The following GUCY1A2 variants were observed in gnomAD, a reference collection of about 807,000 sequenced individuals.
GUCY1A2 encodes guanylate cyclase soluble subunit alpha-2.
GUCY1A2 carries 27 observed loss-of-function variants against 63.5 expected under a neutral mutation model. The observed-to-expected ratio is 0.43, with a 90% CI of 0.31 to 0.59. The LOEUF is 0.59. Ranked by LOEUF, GUCY1A2 falls within the 20% of genes least tolerant of loss-of-function variation. The probability of loss-of-function intolerance (pLI) is 0.11; values close to 1 mark genes in which losing one functional copy is unlikely to be tolerated. For missense variants in GUCY1A2, 768 were observed against 913.3 expected, an observed-to-expected ratio of 0.84 and a Z score of 2.05; for synonymous variants, 364 against 343.5, an observed-to-expected ratio of 1.06 and a Z score of -0.66.
intron 1 of GUCY1A2, among the ~76,000 whole-genome samples, chr11:107,008,352 T>C (rs1184670658): frequency 6.6e-6 from 1 of 151,866 alleles, no homozygotes; most frequent in African/African-American, 2.4e-5. Context: ...CTACAGATTA[T>C]TATGAAGTCC....
intron 4 of GUCY1A2, among the ~76,000 whole-genome samples, chr11:106,863,660 T>C (rs201978112): frequency 0.23 from 34,720 of 151,972 alleles, 4,099 homozygotes; most frequent in Non-Finnish European, 0.26. Flanking sequence ...TAGTTTTTTC[T>C]AATTCTGTGA....
intron 4 of GUCY1A2, among the ~76,000 whole-genome samples, chr11:106,886,905 G>A (rs1227599811): frequency 6.6e-6 from 1 of 151,996 alleles, no homozygotes; most frequent in East Asian, 1.9e-4. Flanking sequence ...GTTGCTAAGG[G>A]CGCACTTTTA....
intron 4 of GUCY1A2, among the ~76,000 whole-genome samples, chr11:106,934,324 G>A (rs1591333376): frequency 6.6e-6 from 1 of 152,122 alleles, no homozygotes; most frequent in East Asian, 1.9e-4. Context: ...GGTAACTACA[G>A]TTCAATATTT....
chr11:106,686,364 T>C lies in GUCY1A2; in HGVS notation c.*1185A>G, dbSNP rs796564687. On this transcript the variant is annotated 3_prime_UTR_variant, in exon 8 of 8. Transcript: ENST00000526355. ...AGTGATTCACTGAATTTAAAAGCCA[T>C]ATCAATCAAACTGCAGAACATTTTT... 4 of 220,378 alleles carry C rather than the reference T, an allele frequency of 1.8e-5. No homozygotes were observed. Among genetic ancestry groups the C allele is most frequent in the African/African-American group, 8.9e-5 (4 of 44,774 alleles). The allele number at this position is 220,378 out of a possible 1,614,324, so 13.7% of individuals were successfully genotyped here.
chr11:107,008,275 T>C (rs1861699168), intron 1 of GUCY1A2, among the ~76,000 whole-genome samples: 3 of 94,840 alleles, frequency 3.2e-5, no homozygotes, highest in South Asian at 4.0e-4. Context: ...CAAGACTCCA[T>C]CTCAAAAAAA....
At chr11:106,701,633 G>GA (rs11402330) in intron 7 of GUCY1A2, among the ~76,000 whole-genome samples, 48,399 of 144,842 alleles carry the variant, frequency 0.33, 8,984 homozygotes, top group African/African-American at 0.52. Flanking sequence ...GGAAGGGTAA[G>GA]GGGGAGGAGA....
chr11:106,724,940 C>T (rs1863378899), intron 6 of GUCY1A2, among the ~76,000 whole-genome samples: 1 of 152,094 alleles, frequency 6.6e-6, no homozygotes, highest in Non-Finnish European at 1.5e-5. Flanking sequence ...TCCAAGTATA[C>T]AGACACCTTA....
chr11:106,765,737 C>G (rs914673894), intron 6 of GUCY1A2, among the ~76,000 whole-genome samples: 2 of 152,074 alleles, frequency 1.3e-5, no homozygotes, highest in Admixed American at 1.3e-4. Context: ...TACTCTGTTT[C>G]TTCAACTTCA....
intron 4 of GUCY1A2, chr11:106,827,839 C>T (rs950326845): frequency 1.8e-5 from 29 of 1,600,166 alleles, no homozygotes; most frequent in African/African-American, 2.7e-5. Flanking sequence ...GCGATGCCGC[C>T]GCCGACCACC....
intron 3 of GUCY1A2, among the ~76,000 whole-genome samples, chr11:106,954,507 G>A (rs576083560): frequency 2.0e-5 from 3 of 152,276 alleles, no homozygotes; most frequent in East Asian, 1.9e-4. Flanking sequence ...AGAGAGTTCC[G>A]TAAATGTCTA....
chr11:106,827,033 A>G, intron 4 of GUCY1A2: 1 of 1,592,076 alleles, frequency 6.3e-7, no homozygotes, highest in South Asian at 1.1e-5. Context: ...GTTGTAACTG[A>G]CGTATGGTCT....
At chr11:106,814,410 AAGC>A (rs1858804139) in intron 4 of GUCY1A2, among the ~76,000 whole-genome samples, 1 of 152,228 alleles carries the variant, frequency 6.6e-6, no homozygotes, top group Non-Finnish European at 1.5e-5. Flanking sequence ...CTAGCTAAAA[AAGC>A]AGGAGACAGT....
intron 6 of GUCY1A2, among the ~76,000 whole-genome samples, chr11:106,723,755 G>A (rs1167771307): frequency 2.6e-5 from 4 of 152,114 alleles, no homozygotes; most frequent in Admixed American, 6.5e-5. Context: ...TCCAGGAGGC[G>A]GAGGAAGCAG....
At chr11:106,740,648 CTGTATGTATGTATGTATGTATGTA>C (rs6144494) in intron 6 of GUCY1A2, among the ~76,000 whole-genome samples, 34,209 of 148,796 alleles carry the variant, frequency 0.23, 4,936 homozygotes, top group East Asian at 0.37. Context: ...GACCATATCA[CTGTATGTATGTATGTATGTATGTA>C]TGTATGTATG....
At chr11:106,791,887 A>G (rs1864668154) in intron 5 of GUCY1A2, among the ~76,000 whole-genome samples, 1 of 152,146 alleles carries the variant, frequency 6.6e-6, no homozygotes, top group Admixed American at 6.6e-5. Context: ...AAGAGCTGGT[A>G]CCATTCCTAC....
At position 106,810,238 on chromosome 11, in the gene GUCY1A2, G is replaced by A. The variant is rs1448311168; in HGVS notation, c.1447C>T (p.Leu483=). ...ACTGTCTTCTTTTTCTCTTCTTCCA[G>A]GGCCTGGTGAGTTCTTTCTAAAGTT... ...KATLERTHQA[L]EEEKKKTVDL... is the part of the protein sequence containing the mutation. The change falls in exon 5 of 8, where the codon CTG becomes TTG. Residue 483 remains leucine, a synonymous_variant. Coordinates refer to ENST00000526355, the MANE Select transcript of GUCY1A2 (RefSeq NM_000855.3). 6.2e-7 allele frequency: 1 copy of A among 1,613,916 alleles called. No homozygotes were observed. The highest frequency in any genetic ancestry group is 2.2e-5 in the East Asian group (1 of 44,848).
rs987576052 is a variant in GUCY1A2, at chr11:106,686,714, A to C, written c.*835T>G. 1.9e-5 allele frequency: 4 copies of C among 207,498 alleles called. No homozygotes were observed. The highest frequency in any genetic ancestry group is 3.9e-5 in the Non-Finnish European group (4 of 101,748). 12.9% of individuals were successfully genotyped at this position (207,498 alleles called of 1,614,324 possible). On this transcript the variant is annotated 3_prime_UTR_variant, in exon 8 of 8. Coordinates refer to ENST00000526355, the MANE Select transcript of GUCY1A2 (RefSeq NM_000855.3). ...CTGATATTTGTTAGAAGGTGGCAAA[A>C]AGACCTTTCTTTAATCTTGGTTACA...
chr11:106,961,802 G>T (rs1384706901), intron 3 of GUCY1A2, among the ~76,000 whole-genome samples: 1 of 152,168 alleles, frequency 6.6e-6, no homozygotes, highest in African/African-American at 2.4e-5. Context: ...CACTAACAGT[G>T]AATCAGTTGG....
chr11:106,813,524 A>G (rs977499117), intron 4 of GUCY1A2, among the ~76,000 whole-genome samples: 3 of 152,076 alleles, frequency 2.0e-5, no homozygotes, highest in Non-Finnish European at 4.4e-5. Context: ...TCCAGGTCAT[A>G]TAACTGCACA....
Sources: gnomAD v4.1 joint callset for allele counts (sites outside exome capture counted in the v4.1 genomes callset) on GRCh38, gnomAD v4.1.1 for gene constraint, MANE v1.5 for transcripts, NCBI Gene and HGNC (gene_info 2026-07-23, HGNC 2026-07-21) for gene names.